Variants in NAV3 observed in about 807,000 individuals in gnomAD.
NAV3 encodes pore membrane and/or filament interacting like protein 1.
NAV3 carries 87 observed loss-of-function variants against 244.7 expected under a neutral mutation model. That is an observed-to-expected ratio of 0.36 (90% CI 0.30 to 0.42). The LOEUF is 0.42. Ranked by LOEUF, NAV3 falls within the 20% of genes least tolerant of loss-of-function variation. The probability of loss-of-function intolerance (pLI) is 1.00; values close to 1 mark genes in which losing one functional copy is unlikely to be tolerated. For missense variants in NAV3, 2,663 were observed against 2,893.3 expected (o/e 0.92, Z 1.83); for synonymous variants, 1,126 against 1,042.2 (o/e 1.08, Z -1.55).
chr12:77,649,735 A>G (rs898543946), intron 2 of NAV3, among the ~76,000 whole-genome samples: 1 of 152,182 alleles, frequency 6.6e-6, no homozygotes, highest in Non-Finnish European at 1.5e-5. Flanking sequence ...TTTTGCCTGT[A>G]TCACTTCCTT....
chr12:78,001,458 G>T (rs943249262), intron 7 of NAV3, among the ~76,000 whole-genome samples: 1 of 151,974 alleles, frequency 6.6e-6, no homozygotes, highest in Non-Finnish European at 1.5e-5. Flanking sequence ...ACATAGTAAA[G>T]GTTTATTCAC....
chr12:78,059,020 C>A lies in NAV3; in HGVS notation c.2541C>A (p.Asn847Lys), dbSNP rs767660334. 1.0e-5 allele frequency: 16 copies of A among 1,607,558 alleles called. No homozygotes were observed. Among genetic ancestry groups the A allele is most frequent in the Non-Finnish European group, 1.4e-5 (16 of 1,177,104 alleles). Residue 847 changes from asparagine to lysine, a missense_variant, in exon 12 of 40, where the codon AAC becomes AAA. Around this residue, in one of 6 missense-constraint regions of NAV3, gnomAD observed 1,521 missense variants for 1,497.0 expected, o/e 1.02. Transcript: ENST00000397909. The part of the protein sequence containing the change: ...NSGYMTDGGL[N>K]LYTRSLNRIP... ...GGTACATGACAGATGGAGGACTTAA[C>A]CTATATACTAGAAGTCTGAACCGAA...
At chr12:77,584,528 T>C (rs1343791464) in intron 2 of NAV3, among the ~76,000 whole-genome samples, 1 of 152,182 alleles carries the variant, frequency 6.6e-6, no homozygotes, top group Non-Finnish European at 1.5e-5. Flanking sequence ...CCTTTATTTC[T>C]TCCTATGAGG....
intron 2 of NAV3, among the ~76,000 whole-genome samples, chr12:77,740,099 A>C (rs1011679850): frequency 1.3e-5 from 2 of 152,222 alleles, no homozygotes; most frequent in African/African-American, 4.8e-5. Flanking sequence ...CAATTCTTTC[A>C]ATTGTAATAT....
At chr12:77,782,735 A>T (rs1870727291) in intron 2 of NAV3, among the ~76,000 whole-genome samples, 1 of 152,232 alleles carries the variant, frequency 6.6e-6, no homozygotes. Context: ...AAAGTCTAAG[A>T]AAATCCTAGT....
intron 11 of NAV3, among the ~76,000 whole-genome samples, chr12:78,054,923 G>C (rs1388620917): frequency 1.3e-5 from 2 of 152,052 alleles, no homozygotes; most frequent in Non-Finnish European, 2.9e-5. Context: ...CCAGGATAGA[G>C]ATCTATTGTA....
intron 3 of NAV3, among the ~76,000 whole-genome samples, chr12:77,953,566 A>G (rs916245263): frequency 1.1e-4 from 17 of 152,174 alleles, no homozygotes; most frequent in African/African-American, 4.1e-4. Context: ...CAGACCAACT[A>G]AACAAATAAA....
chr12:77,966,217 T>C lies in NAV3; in HGVS notation c.415-12T>C. ...CCTCTAAGTTGCTTTTTCACTGCTT[T>C]TCATGTTGCAGATTGAAAATGTTGA... is the stretch of plus-strand genomic sequence containing the variant. On this transcript the variant is annotated splice_polypyrimidine_tract_variant and intron_variant, in intron 3 of 39. Coordinates refer to ENST00000397909, the MANE Select transcript of NAV3 (RefSeq NM_001024383.2). 1 of 1,612,924 alleles carries C rather than the reference T, an allele frequency of 6.2e-7. No homozygotes were observed. The highest frequency in any genetic ancestry group is 8.5e-7 in the Non-Finnish European group (1 of 1,179,422).
intron 3 of NAV3, 63 bp from the exon 4 acceptor site, chr12:77,966,166 G>GGC: frequency 1.5e-6 from 2 of 1,314,906 alleles, no homozygotes. Flanking sequence ...GTTTCATTTT[G>GGC]GCACATGTAT....
chr12:77,984,224 C>T (rs573401693), intron 5 of NAV3, among the ~76,000 whole-genome samples: 23 of 152,140 alleles, frequency 1.5e-4, no homozygotes, highest in Non-Finnish European at 1.8e-4. Context: ...TATTTGATTT[C>T]AAGGAATCAC....
In NAV3 at chr12:77,649,499, A is replaced by G. The variant is rs553028115; in HGVS notation, c.72+77233A>G. On this transcript the variant is annotated intron_variant, in intron 2 of 8. Coordinates refer to the NAV3 transcript ENST00000550042. ...CACATCATGCTGTTTGCATCTAATT[A>G]TACAGCTGAGTTCTTGGATTATCTT... Among the ~76,000 whole-genome samples, 8 of 152,304 alleles carry G rather than the reference A, an allele frequency of 5.3e-5. No homozygotes were observed. In the South Asian group the frequency reaches 1.7e-3, roughly 32 times the overall value.
At position 78,013,121 on chromosome 12, in the gene NAV3, A is replaced by C. The variant is rs115152221; in HGVS notation, c.1907+5676A>C. On this transcript the variant is annotated intron_variant, in intron 8 of 39. Coordinates refer to ENST00000397909, the MANE Select transcript of NAV3 (RefSeq NM_001024383.2). Reference sequence around the variant, plus strand: ...TTTAAAATATTTAAAGAATTAAACCATACCTTCTCTTCAGCACATTCATTC... The same window carrying C: ...TTTAAAATATTTAAAGAATTAAACCCTACCTTCTCTTCAGCACATTCATTC... Among the ~76,000 whole-genome samples the C allele has an allele frequency of 3.9e-3, 593 of 152,288 alleles. 3 individuals carry two copies. Among genetic ancestry groups the C allele is most frequent in the African/African-American group, 0.014 (565 of 41,576 alleles).
At chr12:77,987,144 T>C (rs1870658085) in intron 5 of NAV3, among the ~76,000 whole-genome samples, 1 of 152,154 alleles carries the variant, frequency 6.6e-6, no homozygotes, top group African/African-American at 2.4e-5. Flanking sequence ...GAAATTAGAT[T>C]TGTTTGATAC....
At chr12:78,159,559 C>T (rs571535520) in intron 23 of NAV3, among the ~76,000 whole-genome samples, 4 of 151,988 alleles carry the variant, frequency 2.6e-5, no homozygotes, top group South Asian at 2.1e-4. Context: ...ATCCCAGCTA[C>T]GCAGGAGGCT....
At chr12:77,937,272 G>C (rs1889413939) in intron 1 of NAV3, among the ~76,000 whole-genome samples, 1 of 152,122 alleles carries the variant, frequency 6.6e-6, no homozygotes, top group Non-Finnish European at 1.5e-5. Flanking sequence ...CCTTAAGCTT[G>C]GGATTCCTCT....
At chr12:77,976,674 C>CTTTCTTTT (rs1868475541) in intron 5 of NAV3, among the ~76,000 whole-genome samples, 2 of 83,426 alleles carry the variant, frequency 2.4e-5, no homozygotes, top group Non-Finnish European at 4.5e-5. Context: ...TTCTTTTTTT[C>CTTTCTTTT]TTTTTTTTTT....
At chr12:77,883,972 C>T (rs1028402683) in intron 1 of NAV3, among the ~76,000 whole-genome samples, 1 of 152,036 alleles carries the variant, frequency 6.6e-6, no homozygotes, top group African/African-American at 2.4e-5. Flanking sequence ...TTATATTATC[C>T]TGTTATAATT....
chr12:77,805,664 G>A (rs541695316), intron 2 of NAV3, among the ~76,000 whole-genome samples: 32 of 152,200 alleles, frequency 2.1e-4, no homozygotes, highest in Admixed American at 1.6e-3. Flanking sequence ...TTAGTATCAG[G>A]ATGATGTTGG....
intron 2 of NAV3, among the ~76,000 whole-genome samples, chr12:77,721,937 A>G (rs1450212868): frequency 1.3e-5 from 2 of 152,102 alleles, no homozygotes; most frequent in African/African-American, 4.8e-5. Flanking sequence ...TGGAACACAC[A>G]ATACTACTCA....
Sources: allele counts gnomAD v4.1 joint callset (sites outside exome capture counted in the v4.1 genomes callset), GRCh38; gene constraint gnomAD v4.1.1; regional missense constraint gnomAD v4.1.1; transcripts MANE v1.5; gene names NCBI Gene and HGNC (gene_info 2026-07-23, HGNC 2026-07-21).